CA5A: variants seen among roughly 807,000 people sequenced by gnomAD.
CA5A encodes carbonic anhydrase 5A, mitochondrial.
CA5A carries 28 observed loss-of-function variants against 37.1 expected under a neutral mutation model. The observed-to-expected ratio is 0.75, with a 90% CI of 0.56 to 1.03. The LOEUF (loss-of-function observed/expected upper bound fraction) is 1.03. Among genes scored for constraint, CA5A ranks in the 50% least tolerant of loss-of-function variants. The pLI, the probability that CA5A is intolerant of heterozygous loss-of-function variation, is 0.00. For missense variants in CA5A, 444 were observed against 399.9 expected, an observed-to-expected ratio of 1.11 and a Z score of -0.94; for synonymous variants, 171 against 158.4, an observed-to-expected ratio of 1.08 and a Z score of -0.60.
chr16:87,935,336 G>T (rs1410542320), intron 1 of CA5A, among the ~76,000 whole-genome samples: 1 of 152,228 alleles, frequency 6.6e-6, no homozygotes, highest in African/African-American at 2.4e-5. Context: ...CTGGCACGGG[G>T]CAGTTTCTTG....
downstream of CA5A, chr16:87,884,160 A>G (rs1322888615): frequency 6.7e-6 from 1 of 149,900 alleles, no homozygotes; most frequent in Non-Finnish European, 1.5e-5. Flanking sequence ...TCATGCCTGT[A>G]ATCCCAGCAC....
At chr16:87,930,629 G>A (rs965784171) in intron 1 of CA5A, among the ~76,000 whole-genome samples, 8 of 152,122 alleles carry the variant, frequency 5.3e-5, no homozygotes, top group Admixed American at 5.2e-4. Context: ...GGAGGAGAGA[G>A]CGGTGGGGAC....
intron 1 of CA5A, among the ~76,000 whole-genome samples, chr16:87,934,776 A>G (rs2056448959): frequency 6.6e-6 from 1 of 152,144 alleles, no homozygotes; most frequent in Non-Finnish European, 1.5e-5. Context: ...CCTGGCCAAC[A>G]TGGCGAAATC....
At chr16:87,926,375 T>A (rs2056310594) in intron 2 of CA5A, among the ~76,000 whole-genome samples, 1 of 152,168 alleles carries the variant, frequency 6.6e-6, no homozygotes, top group East Asian at 1.9e-4. Context: ...AGCGTGGGCG[T>A]CCAGCCACCG....
At chr16:87,916,721 T>A (rs2056148069) in intron 2 of CA5A, among the ~76,000 whole-genome samples, 1 of 152,222 alleles carries the variant, frequency 6.6e-6, no homozygotes, top group Non-Finnish European at 1.5e-5. Flanking sequence ...TTCACTGTCT[T>A]GATTGATCCT....
At chr16:87,933,532 T>A (rs1301697351) in intron 1 of CA5A, among the ~76,000 whole-genome samples, 4 of 151,954 alleles carry the variant, frequency 2.6e-5, no homozygotes, top group Non-Finnish European at 2.9e-5. Flanking sequence ...TGTGCCACCA[T>A]GTCCAGTTAA....
At chr16:87,904,088 T>C (rs1567521587) in intron 3 of CA5A, among the ~76,000 whole-genome samples, 1 of 152,162 alleles carries the variant, frequency 6.6e-6, no homozygotes, top group Non-Finnish European at 1.5e-5. Context: ...ACGCCTGTTA[T>C]CCTAGCACTT....
rs558084935 is a variant in CA5A, at chr16:87,911,748, G to A, written c.341-6844C>T. Among the ~76,000 whole-genome samples the A allele has an allele frequency of 6.6e-6, 1 of 152,170 alleles. No homozygotes were observed. The highest frequency in any genetic ancestry group is 1.5e-5 in the Non-Finnish European group (1 of 68,032). On this transcript the variant is annotated intron_variant, in intron 2 of 6. Transcript: ENST00000649794. This position sits in a 1 kb window ranked among gnomAD's most constrained non-coding sequence, Gnocchi z 4.6. ...TTAGCCTCTGAGACCATCACATATT[G>A]GCACTGGTTTGAAAGCCAGGCAAAT...
At chr16:87,934,674 A>T (rs2056447607) in intron 1 of CA5A, among the ~76,000 whole-genome samples, 1 of 151,342 alleles carries the variant, frequency 6.6e-6, no homozygotes, top group African/African-American at 2.4e-5. Flanking sequence ...AGAATAAAAA[A>T]GGGGGGTGGG....
intron 2 of CA5A, among the ~76,000 whole-genome samples, chr16:87,920,751 TG>T (rs1268885913): frequency 6.6e-6 from 1 of 152,210 alleles, no homozygotes; most frequent in East Asian, 1.9e-4. Flanking sequence ...CCCCAGTAGC[TG>T]GGATTACAGG....
Position 87,894,457 on chromosome 16 carries a change from G to A in CA5A, c.619-2503C>T, listed in dbSNP as rs1259912351. 2.0e-5 allele frequency among the ~76,000 whole-genome samples: 3 copies of A among 152,092 alleles called. No homozygotes were observed. The South Asian group carries it at 6.2e-4, about 32-fold the overall frequency. ...TGTCTCCTAACATCAAGCAGTGAGG[G>A]TCAGGGTCAAGAGAGGTGGCTGAGC... On this transcript the variant is annotated intron_variant, in intron 5 of 6. Transcript: ENST00000649794.
chr16:87,918,170 G>C (rs2056180718), intron 2 of CA5A, among the ~76,000 whole-genome samples: 1 of 152,180 alleles, frequency 6.6e-6, no homozygotes, highest in Admixed American at 6.5e-5. Flanking sequence ...GATTTATTTT[G>C]AAGGAAGCTA....
rs547843428 is a variant in CA5A, at chr16:87,926,670, C to G, written c.340+78G>C. On this transcript the variant is annotated intron_variant, in intron 2 of 6. Coordinates refer to ENST00000649794, the MANE Select transcript of CA5A (RefSeq NM_001739.2). The stretch of plus-strand genomic sequence containing the variant: ...AGCAGCACCTTCCTGCTCTCCTCCC[C>G]CTTCTCCGCGAAGCTCTTGACCCTG... 729 of 1,154,006 alleles carry G rather than the reference C, an allele frequency of 6.3e-4. 4 individuals are homozygous for G. The highest frequency in any genetic ancestry group is 4.7e-3 in the South Asian group (347 of 73,334). The allele number at this position is 1,154,006 out of a possible 1,614,324, so 71.5% of individuals were successfully genotyped here. A position where few individuals can be genotyped will look rare whatever the true frequency, so the allele number is the denominator to read the frequency against.
chr16:87,916,942 A>C (rs2056152898), intron 2 of CA5A, among the ~76,000 whole-genome samples: 1 of 151,914 alleles, frequency 6.6e-6, no homozygotes, highest in Non-Finnish European at 1.5e-5. Flanking sequence ...CTTTACTAAA[A>C]ATACAAACAA....
intron 5 of CA5A, 113 bp from the exon 6 acceptor site, chr16:87,892,067 G>C: frequency 1.0e-6 from 1 of 999,960 alleles, no homozygotes; most frequent in South Asian, 1.9e-5. Flanking sequence ...CTTTCCCCCA[G>C]ATAAGGCCAT....
chr16:87,905,096 C>T (rs946575802), intron 2 of CA5A, among the ~76,000 whole-genome samples, 192 bp from the exon 3 acceptor site: 1 of 151,958 alleles, frequency 6.6e-6, no homozygotes, highest in Non-Finnish European at 1.5e-5. Flanking sequence ...TGCCCCCCCC[C>T]AGCCCAGCGC....
chr16:87,891,711 C>T (rs765583354), intron 6 of CA5A, 88 bp downstream of exon 6: 9 of 1,157,010 alleles, frequency 7.8e-6, no homozygotes, highest in Admixed American at 3.7e-5. Context: ...AACTCCACAA[C>T]GCTCTCATGC....
Position 87,926,932 on chromosome 16 carries a change from C to T in CA5A, c.156G>A (p.Trp52Ter), listed in dbSNP as rs1176567106. ...CCCCTGGCACGGAGACCGGGACCGT[C>T]CAGAGTGGGTGCACTGCAGGGAGAG... is the stretch of plus-strand genomic sequence containing the variant. ...QTSNNTLHPL[W>*]TVPVSVPGGT... is the part of the protein sequence containing the mutation. The change falls in exon 2 of 7, where the codon TGG (tryptophan) becomes TGA (stop). Residue 52 changes from tryptophan to a stop codon, truncating the protein, a stop_gained. Coordinates refer to ENST00000649794, the MANE Select transcript of CA5A (RefSeq NM_001739.2). LOFTEE classifies it high-confidence loss of function. The T allele has an allele frequency of 6.3e-7, 1 of 1,581,250 alleles. No homozygotes were observed. Among genetic ancestry groups the T allele is most frequent in the Non-Finnish European group, 8.6e-7 (1 of 1,162,316 alleles).
chr16:87,918,402 TC>T (rs112904952), intron 2 of CA5A, among the ~76,000 whole-genome samples: 81 of 141,906 alleles, frequency 5.7e-4, no homozygotes, highest in African/African-American at 2.0e-3. Flanking sequence ...CCCGCTTTGC[TC>T]CCCCAGCCTT....
Sources: gnomAD v4.1 joint callset for allele counts (sites outside exome capture counted in the v4.1 genomes callset) on GRCh38, gnomAD v4.1.1 for gene constraint, Gnocchi (gnomAD v3.1) non-coding constraint, MANE v1.5 for transcripts, NCBI Gene and HGNC (gene_info 2026-07-23, HGNC 2026-07-21) for gene names.